Variants in SLC36A3 observed in about 807,000 individuals in gnomAD.
SLC36A3 encodes solute carrier family 36 member 3.
SLC36A3 carries 35 observed loss-of-function variants against 44.3 expected under a neutral mutation model. That is an observed-to-expected ratio of 0.79 (90% CI 0.60 to 1.05). The LOEUF is 1.05. Among genes scored for constraint, SLC36A3 ranks in the 50% least tolerant of loss-of-function variants. The pLI, the probability that SLC36A3 is intolerant of heterozygous loss-of-function variation, is 0.00. For synonymous variants in SLC36A3, 211 were observed against 227.6 expected (o/e 0.93, Z 0.66); for missense variants, 540 against 578.7 (o/e 0.93, Z 0.69).
At chr5:151,277,692 G>A in intron 9 of SLC36A3, 31 bp from the exon 10 acceptor site, 1 of 1,603,386 alleles carries the variant, frequency 6.2e-7, no homozygotes, top group Admixed American at 1.7e-5. Context: ...TAGAATCACT[G>A]AATGTGCTCA....
At position 151,278,016 on chromosome 5, in the gene SLC36A3, T is replaced by C. The variant is rs1200228146; in HGVS notation, c.1145-355A>G. ...GAGCTGAGATGAGAATTCACTGGGA[T>C]GCCCCATCTAAGGTCCTTTTCACTC... On this transcript the variant is annotated intron_variant, in intron 9 of 9. Coordinates refer to ENST00000335230, the MANE Select transcript of SLC36A3 (RefSeq NM_181774.4). Among the ~76,000 whole-genome samples, 6 of 152,334 alleles carry C rather than the reference T, an allele frequency of 3.9e-5. No individual in the cohort carries two copies. In the East Asian group the frequency reaches 1.2e-3, roughly 29 times the overall value.
intron 6 of SLC36A3, among the ~76,000 whole-genome samples, chr5:151,286,305 G>GT (rs1400946431): frequency 1.3e-5 from 2 of 152,090 alleles, no homozygotes; most frequent in Non-Finnish European, 2.9e-5. Context: ...CCATGCTTAT[G>GT]TTTTTTTGAG....
chr5:151,295,990 A>C (rs1294681814), intron 3 of SLC36A3, among the ~76,000 whole-genome samples, 190 bp downstream of exon 3: 1 of 152,248 alleles, frequency 6.6e-6, no homozygotes, highest in South Asian at 2.1e-4. Context: ...TGTTAGCAGC[A>C]GCGTTGGATC....
Position 151,282,413 on chromosome 5 carries a change from C to T in SLC36A3, c.975-1230G>A, listed in dbSNP as rs116354167. ...GAACTCCCAACCTCAGGTGATACGC[C>T]CTCCTCGGCCTCCCAAAGTGCCGGG... On this transcript the variant is annotated intron_variant, in intron 8 of 9. Transcript: ENST00000335230. Among the ~76,000 whole-genome samples the T allele has an allele frequency of 4.2e-3, 639 of 152,180 alleles. 5 individuals carry two copies. The highest frequency in any genetic ancestry group is 0.015 in the African/African-American group (617 of 41,526).
intron 9 of SLC36A3, 68 bp downstream of exon 9, chr5:151,280,946 G>GT: frequency 6.3e-7 from 1 of 1,589,084 alleles, no homozygotes; most frequent in Non-Finnish European, 8.6e-7. Context: ...TCCAATGATG[G>GT]TGGGGTGGGC....
At chr5:151,279,533 A>C (rs1754231053) in intron 9 of SLC36A3, among the ~76,000 whole-genome samples, 1 of 152,212 alleles carries the variant, frequency 6.6e-6, no homozygotes, top group African/African-American at 2.4e-5. Context: ...CATATATCAA[A>C]AGCAGGACAT....
chr5:151,293,807 A>G (rs1348970859), intron 3 of SLC36A3, among the ~76,000 whole-genome samples: 1 of 152,098 alleles, frequency 6.6e-6, no homozygotes, highest in Non-Finnish European at 1.5e-5. Context: ...CAGGCCAGTG[A>G]TTCCCTCCTT....
chr5:151,298,385 T>G, intron 2 of SLC36A3: 1 of 529,282 alleles, frequency 1.9e-6, no homozygotes, highest in Non-Finnish European at 3.4e-6. Context: ...ATGAGCATGG[T>G]GAGTCTTTAA....
intron 9 of SLC36A3, among the ~76,000 whole-genome samples, chr5:151,279,872 A>T (rs1754243660): frequency 6.6e-6 from 1 of 152,190 alleles, no homozygotes; most frequent in Non-Finnish European, 1.5e-5. Flanking sequence ...TGGAGCCTTG[A>T]AGACTAAATT....
chr5:151,281,647 G>A (rs923078402), intron 8 of SLC36A3, among the ~76,000 whole-genome samples: 11 of 152,054 alleles, frequency 7.2e-5, no homozygotes, highest in African/African-American at 2.4e-4. Flanking sequence ...GTGAAAGCTC[G>A]TCTCTAATAA....
intron 8 of SLC36A3, 78 bp from the exon 9 acceptor site, chr5:151,281,261 A>G: frequency 7.0e-7 from 1 of 1,428,164 alleles, no homozygotes; most frequent in Non-Finnish European, 9.6e-7. Context: ...ACTGCTCAGA[A>G]GCTGGTATGG....
chr5:151,280,202 C>T (rs1449622200), intron 9 of SLC36A3, among the ~76,000 whole-genome samples: 1 of 152,154 alleles, frequency 6.6e-6, no homozygotes, highest in Non-Finnish European at 1.5e-5. Context: ...CATCTGTAAT[C>T]CCAGCACTTT....
In SLC36A3 at chr5:151,277,650, TGGCTGAG is replaced by T. The variant is rs1458895074; in HGVS notation, c.1149_1155del (p.Ala385SerfsTer12). The stretch of plus-strand genomic sequence containing the variant: ...ACCAAGTCCAGGCGGGGGATGAGGA[TGGCTGAG>T]ACACCTGCAATGAAAGGAGATATTT... On this transcript the variant is annotated frameshift_variant, in exon 10 of 10. Transcript: ENST00000335230. LOFTEE classifies it high-confidence loss of function. The T allele has an allele frequency of 2.5e-6, 4 of 1,613,836 alleles. No individual in the cohort carries two copies. The highest frequency in any genetic ancestry group is 2.5e-6 in the Non-Finnish European group (3 of 1,179,926).
chr5:151,287,173 A>G, intron 6 of SLC36A3, 73 bp downstream of exon 6: 1 of 1,490,402 alleles, frequency 6.7e-7, no homozygotes, highest in Non-Finnish European at 9.2e-7. Flanking sequence ...CCTGCCCATC[A>G]TGATAACAAA....
chr5:151,289,989 G>A (rs1289320892), intron 4 of SLC36A3, among the ~76,000 whole-genome samples: 2 of 152,112 alleles, frequency 1.3e-5, no homozygotes, highest in African/African-American at 2.4e-5. Flanking sequence ...CAAGGTGGTG[G>A]TTTTCTAAGT....
intron 1 of SLC36A3, among the ~76,000 whole-genome samples, chr5:151,299,777 A>C (rs925252955): frequency 2.6e-5 from 4 of 152,218 alleles, no homozygotes; most frequent in African/African-American, 9.6e-5. Context: ...CTGCCAAAAA[A>C]GGGAGAAAAT....
At chr5:151,289,957 T>C (rs1754693947) in intron 4 of SLC36A3, among the ~76,000 whole-genome samples, 1 of 152,242 alleles carries the variant, frequency 6.6e-6, no homozygotes, top group South Asian at 2.1e-4. Context: ...CTGATGTTCC[T>C]TGCTTGAATC....
At chr5:151,283,920 G>C (rs1209335467) in intron 8 of SLC36A3, 124 bp downstream of exon 8, 2 of 1,240,182 alleles carry the variant, frequency 1.6e-6, no homozygotes, top group Non-Finnish European at 2.2e-6. Flanking sequence ...GAGCAGGAGA[G>C]ACATATGTCA....
At chr5:151,300,194 G>C (rs1385718152) in intron 1 of SLC36A3, among the ~76,000 whole-genome samples, 1 of 152,198 alleles carries the variant, frequency 6.6e-6, no homozygotes, top group Non-Finnish European at 1.5e-5. Context: ...GCCCAAGTGA[G>C]TCCAGCAGAG....
Sources: allele counts gnomAD v4.1 joint callset (sites outside exome capture counted in the v4.1 genomes callset), GRCh38; gene constraint gnomAD v4.1.1; transcripts MANE v1.5; gene names NCBI Gene and HGNC (gene_info 2026-07-23, HGNC 2026-07-21).